Variants in RASGEF1C observed in about 807,000 individuals in gnomAD.
RASGEF1C encodes ras-GEF domain-containing family member 1C.
A neutral mutation model predicts 58.1 loss-of-function variants in RASGEF1C; 27 were observed. The ratio of observed to expected loss-of-function variants is 0.46; its 90% CI spans 0.34 to 0.64. The LOEUF (loss-of-function observed/expected upper bound fraction) is 0.64. Ranked by LOEUF, RASGEF1C falls within the 30% of genes least tolerant of loss-of-function variation. The pLI is 0.01. For missense variants in RASGEF1C, 502 were observed against 605.1 expected (o/e 0.83, Z 1.79); for synonymous variants, 243 against 246.3 (o/e 0.99, Z 0.13).
At chr5:180,194,489 T>TTAG (rs1220181640) in intron 1 of RASGEF1C, among the ~76,000 whole-genome samples, 1 of 152,230 alleles carries the variant, frequency 6.6e-6, no homozygotes, top group Non-Finnish European at 1.5e-5. Context: ...CCACGGGGTC[T>TTAG]ACGCTCAAGT....
intron 1 of RASGEF1C, among the ~76,000 whole-genome samples, chr5:180,179,448 C>A (rs547411406): frequency 6.6e-6 from 1 of 152,174 alleles, no homozygotes; most frequent in East Asian, 1.9e-4. Context: ...CCCAGGGAAC[C>A]CATGGTGTGC....
chr5:180,163,090 T>C (rs1766967862), intron 1 of RASGEF1C, among the ~76,000 whole-genome samples: 1 of 152,166 alleles, frequency 6.6e-6, no homozygotes, highest in South Asian at 2.1e-4. Flanking sequence ...TCCTGGCGTC[T>C]GTAGAAACCT....
chr5:180,107,408 A>G (rs1218910804), intron 12 of RASGEF1C, among the ~76,000 whole-genome samples: 2 of 151,796 alleles, frequency 1.3e-5, no homozygotes, highest in African/African-American at 4.8e-5. Context: ...TGATTTATCT[A>G]TAGTTAATTC....
rs879894900 is a variant in RASGEF1C, at chr5:180,184,411, C to T, written c.-7+24617G>A. On this transcript the variant is annotated intron_variant, in intron 1 of 13. Transcript: ENST00000361132. ...CCAACATGGTGAAATCTTGTCTCTA[C>T]TAAAAAAATACAAATATAAGCCAGG... Among the ~76,000 whole-genome samples, 8 of 151,838 alleles carry T rather than the reference C, an allele frequency of 5.3e-5. 1 individual carries two copies. The highest frequency in any genetic ancestry group is 5.3e-4 in the Admixed American group (8 of 15,220).
At chr5:180,125,252 G>A (rs1183446376) in intron 6 of RASGEF1C, among the ~76,000 whole-genome samples, 1 of 152,190 alleles carries the variant, frequency 6.6e-6, no homozygotes, top group Non-Finnish European at 1.5e-5. Flanking sequence ...GTGAGTAACA[G>A]ATCCAGAAAA....
At chr5:180,109,189 G>C (rs530693401) in intron 12 of RASGEF1C, among the ~76,000 whole-genome samples, 34 of 152,270 alleles carry the variant, frequency 2.2e-4, no homozygotes, top group African/African-American at 7.5e-4. Context: ...AGGCGTGGTG[G>C]CTCACGCCTG....
intron 4 of RASGEF1C, among the ~76,000 whole-genome samples, chr5:180,130,586 C>A (rs1766350507): frequency 6.6e-6 from 1 of 152,244 alleles, no homozygotes; most frequent in Non-Finnish European, 1.5e-5. Context: ...TCAGTCAATT[C>A]GTTGGGCCCT....
chr5:180,128,745 C>A lies in RASGEF1C; in HGVS notation c.439-135G>T, dbSNP rs916591972. 7.8e-6 allele frequency: 7 copies of A among 893,166 alleles called. No homozygotes were observed. In the African/African-American group the frequency reaches 8.3e-5, roughly 11 times the overall value. The allele number at this position is 893,166 out of a possible 1,614,324, so 55.3% of individuals were successfully genotyped here. On this transcript the variant is annotated intron_variant, in intron 4 of 13. Transcript: ENST00000361132. ...CTCTGGAGAAAAGGCCAGGTACCAG[C>A]GCAGGGGCCAGGACCTGCCCCTACC...
At chr5:180,181,047 T>C (rs1767316141) in intron 1 of RASGEF1C, among the ~76,000 whole-genome samples, 4 of 152,156 alleles carry the variant, frequency 2.6e-5, no homozygotes, top group Admixed American at 2.6e-4. Context: ...CCCAGGTGGG[T>C]ACCTGTCCTA....
intron 1 of RASGEF1C, among the ~76,000 whole-genome samples, chr5:180,152,108 T>C (rs1280764700): frequency 1.3e-5 from 2 of 151,652 alleles, no homozygotes; most frequent in African/African-American, 4.8e-5. Context: ...GGAACACTTT[T>C]ACACTGTTGG....
Position 180,158,779 on chromosome 5 carries a change from G to A in RASGEF1C, c.-6-20721C>T, listed in dbSNP as rs28811617. Reference sequence around the variant, plus strand: ...CGTGTGGAGCACTTTCCAGTCTCACGGGCTGGAATCTCGTGCCCTTCAGTG... The same window carrying A: ...CGTGTGGAGCACTTTCCAGTCTCACAGGCTGGAATCTCGTGCCCTTCAGTG... On this transcript the variant is annotated intron_variant, in intron 1 of 13. Coordinates refer to ENST00000361132, the MANE Select transcript of RASGEF1C (RefSeq NM_175062.4). The surrounding 1 kb of genome is among the most constrained non-coding windows in gnomAD (Gnocchi z 4.0). Among the ~76,000 whole-genome samples the A allele has an allele frequency of 0.15, 22,539 of 152,068 alleles. 1,789 individuals carry two copies. The highest frequency in any genetic ancestry group is 0.18 in the East Asian group (910 of 5,158).
chr5:180,106,072 T>G (rs1052459374), intron 12 of RASGEF1C, among the ~76,000 whole-genome samples: 3 of 152,210 alleles, frequency 2.0e-5, no homozygotes, highest in Non-Finnish European at 2.9e-5. Context: ...TGGTGCACAA[T>G]TCAAAACTTA....
rs113916321 is a variant in RASGEF1C, at chr5:180,156,897, C to T, written c.-6-18839G>A. ...GCACCTGACCAAAGAAGATATAAGA[C>T]GGAAAATAAGCATTTACAAAGGTGC... On this transcript the variant is annotated intron_variant, in intron 1 of 13. Transcript: ENST00000361132. The surrounding 1 kb of genome is among the most constrained non-coding windows in gnomAD (Gnocchi z 4.9). Among the ~76,000 whole-genome samples the T allele has an allele frequency of 1.4e-3, 207 of 152,234 alleles. No homozygotes were observed. The highest frequency in any genetic ancestry group is 4.6e-3 in the African/African-American group (190 of 41,524).
intron 4 of RASGEF1C, among the ~76,000 whole-genome samples, chr5:180,129,449 C>T (rs1766324398): frequency 6.6e-6 from 1 of 152,306 alleles, no homozygotes; most frequent in African/African-American, 2.4e-5. Flanking sequence ...CCAACCCCGC[C>T]ACCAGAGCAC....
intron 4 of RASGEF1C, among the ~76,000 whole-genome samples, chr5:180,133,027 G>A (rs1486566851): frequency 4.0e-5 from 6 of 151,076 alleles, no homozygotes; most frequent in African/African-American, 9.7e-5. Flanking sequence ...CTGTTGAGTC[G>A]GCCTCCTCTG....
chr5:180,182,204 CAAAAAAAAAAAAA>C (rs1156831010), intron 1 of RASGEF1C, among the ~76,000 whole-genome samples: 234 of 22,778 alleles, frequency 0.01, 4 homozygotes, highest in Non-Finnish European at 0.012. Context: ...GACTCCGTCT[CAAAAAAAAAAAAA>C]AAAAAAAAAA....
intron 11 of RASGEF1C, among the ~76,000 whole-genome samples, chr5:180,111,951 A>G (rs912017802): frequency 6.6e-6 from 1 of 152,218 alleles, no homozygotes. Context: ...TAATTTTTAA[A>G]AAAGGTGCCA....
rs900232386 is a variant in RASGEF1C, at chr5:180,174,549, C to T, written c.-7+34479G>A. Among the ~76,000 whole-genome samples, 26 of 145,954 alleles carry T rather than the reference C, an allele frequency of 1.8e-4. No individual in the cohort carries two copies. The South Asian group carries it at 4.0e-3, about 22-fold the overall frequency. On this transcript the variant is annotated intron_variant, in intron 1 of 13. Transcript: ENST00000361132. ...GTGTGTCTCTGTGTGTGCGTGTGTG[C>T]GTGTGTCTGTGTGTGCACGTGTGTC...
intron 6 of RASGEF1C, among the ~76,000 whole-genome samples, chr5:180,121,526 G>A (rs190577102): frequency 6.8e-4 from 104 of 152,146 alleles, no homozygotes; most frequent in Non-Finnish European, 1.2e-3. Context: ...TGTTAGCCAG[G>A]ATGGTCTCCA....
Sources: gnomAD v4.1 joint callset for allele counts (sites outside exome capture counted in the v4.1 genomes callset) on GRCh38, gnomAD v4.1.1 for gene constraint, Gnocchi (gnomAD v3.1) non-coding constraint, MANE v1.5 for transcripts, NCBI Gene and HGNC (gene_info 2026-07-23, HGNC 2026-07-21) for gene names.